The following NTM variants were observed in gnomAD, a reference collection of about 807,000 sequenced individuals.
NTM encodes the protein neurotrimin.
In NTM, 13 loss-of-function variants were observed where a neutral mutation model predicts 42.1. The observed-to-expected ratio is 0.31, with a 90% CI of 0.20 to 0.49. The LOEUF (loss-of-function observed/expected upper bound fraction) is 0.49, where lower values mean the gene tolerates loss of function less well. Among genes scored for constraint, NTM ranks in the 20% least tolerant of loss-of-function variants. The pLI, the probability that NTM is intolerant of heterozygous loss-of-function variation, is 0.99. For missense variants in NTM, 373 were observed against 452.8 expected (o/e 0.82, Z 1.60); for synonymous variants, 187 against 179.2 (o/e 1.04, Z -0.35).
intron 2 of NTM, among the ~76,000 whole-genome samples, chr11:132,107,746 A>AT (rs1332540684): frequency 3.9e-5 from 6 of 152,174 alleles, no homozygotes; most frequent in African/African-American, 1.4e-4. Flanking sequence ...ATATGTTCTC[A>AT]TTGTTCCTAA....
chr11:132,113,086 CG>C (rs2136785111), intron 2 of NTM, among the ~76,000 whole-genome samples: 1 of 152,238 alleles, frequency 6.6e-6, no homozygotes, highest in Admixed American at 6.5e-5. Flanking sequence ...TAGCTGGGCC[CG>C]TCCCTCAAAG....
At chr11:132,025,052 C>T (rs1032315711) in intron 2 of NTM, among the ~76,000 whole-genome samples, 1 of 152,212 alleles carries the variant, frequency 6.6e-6, no homozygotes, top group Non-Finnish European at 1.5e-5. Flanking sequence ...GTCTGAATTC[C>T]TTCCCTCGTG....
chr11:131,633,766 C>CCTCTCT (rs1238243158), intron 1 of NTM, among the ~76,000 whole-genome samples: 24 of 40,034 alleles, frequency 6.0e-4, no homozygotes, highest in African/African-American at 1.1e-3. Flanking sequence ...CCTCTCTCTC[C>CCTCTCT]CTCTCTCTCT....
chr11:131,896,887 A>G (rs1299821833), intron 1 of NTM: 2 of 151,942 alleles, frequency 1.3e-5, no homozygotes, highest in African/African-American at 4.8e-5. Flanking sequence ...ATGGGCTTTC[A>G]CTGTGTTAGC....
At chr11:132,088,345 C>G (rs1342391114) in intron 2 of NTM, among the ~76,000 whole-genome samples, 2 of 152,226 alleles carry the variant, frequency 1.3e-5, no homozygotes, top group East Asian at 1.9e-4. Flanking sequence ...TCACATTTTA[C>G]TTACCCTTCC....
At chr11:131,715,042 T>C (rs2077545049) in intron 1 of NTM, among the ~76,000 whole-genome samples, 1 of 152,226 alleles carries the variant, frequency 6.6e-6, no homozygotes, top group African/African-American at 2.4e-5. Context: ...TTGTGCTTGG[T>C]GCTCCAGGAA....
chr11:131,647,231 AG>A (rs1167150959), intron 1 of NTM, among the ~76,000 whole-genome samples: 1 of 152,262 alleles, frequency 6.6e-6, no homozygotes, highest in Non-Finnish European at 1.5e-5. Flanking sequence ...CATTTGATGC[AG>A]GGAAAATATG....
chr11:132,021,003 T>G (rs941445591), intron 2 of NTM, among the ~76,000 whole-genome samples: 3 of 152,142 alleles, frequency 2.0e-5, no homozygotes. Context: ...CTCTTTGCTC[T>G]CCTTATGGGA....
chr11:131,508,851 C>T, intron 1 of NTM, among the ~76,000 whole-genome samples: 1 of 139,480 alleles, frequency 7.2e-6, no homozygotes, highest in African/African-American at 2.7e-5. Context: ...CCCATGGACA[C>T]AGGAAGGGGA....
intron 1 of NTM, among the ~76,000 whole-genome samples, chr11:131,521,864 C>T (rs1235803540): frequency 1.3e-5 from 2 of 152,118 alleles, no homozygotes; most frequent in East Asian, 3.9e-4. Flanking sequence ...CCCCTGTTTC[C>T]ATTCCTCTCT....
intron 3 of NTM, among the ~76,000 whole-genome samples, chr11:132,183,228 A>C (rs781512707): frequency 2.0e-5 from 3 of 152,024 alleles, no homozygotes; most frequent in Non-Finnish European, 2.9e-5. Flanking sequence ...ATTTGTAATG[A>C]CTCTTCAAGG....
intron 4 of NTM, among the ~76,000 whole-genome samples, chr11:132,255,181 A>AT (rs923476320): frequency 1.3e-5 from 2 of 152,014 alleles, no homozygotes; most frequent in South Asian, 4.2e-4. Flanking sequence ...GAGCCTGAAC[A>AT]TTTTTTTTAT....
intron 1 of NTM, among the ~76,000 whole-genome samples, chr11:131,553,892 ACT>A (rs1423176460): frequency 1.3e-5 from 2 of 151,578 alleles, no homozygotes; most frequent in Non-Finnish European, 2.9e-5. Context: ...ATATATTTTC[ACT>A]CTCATTTCCC....
intron 4 of NTM, among the ~76,000 whole-genome samples, chr11:132,270,359 G>A (rs2093418827): frequency 6.6e-6 from 1 of 152,090 alleles, no homozygotes; most frequent in Admixed American, 6.6e-5. Context: ...AGCTTCCGGA[G>A]TAGCTGGGAT....
chr11:132,104,937 G>GTGTGTGTA (rs1169190929), intron 2 of NTM, among the ~76,000 whole-genome samples: 5 of 61,818 alleles, frequency 8.1e-5, no homozygotes, highest in African/African-American at 1.2e-4. Context: ...ATATACATAT[G>GTGTGTGTA]TATATATATA....
intron 3 of NTM, among the ~76,000 whole-genome samples, chr11:132,198,319 C>G (rs2080611606): frequency 6.6e-6 from 1 of 152,100 alleles, no homozygotes; most frequent in Non-Finnish European, 1.5e-5. Flanking sequence ...GATCCAGCCT[C>G]CTGAGTAGCT....
At chr11:132,299,638 TTC>T (rs1284832162) in intron 4 of NTM, among the ~76,000 whole-genome samples, 1 of 152,198 alleles carries the variant, frequency 6.6e-6, no homozygotes, top group African/African-American at 2.4e-5. Context: ...TAAGAATGCT[TTC>T]TCTTATATGA....
intron 1 of NTM, among the ~76,000 whole-genome samples, chr11:131,652,404 G>A (rs1052845107): frequency 9.9e-5 from 15 of 152,160 alleles, no homozygotes; most frequent in African/African-American, 3.6e-4. Flanking sequence ...AACAAAGCAA[G>A]GTGGTGCCCC....
intron 3 of NTM, among the ~76,000 whole-genome samples, chr11:132,191,460 A>C (rs542207242): frequency 6.6e-6 from 1 of 152,230 alleles, no homozygotes; most frequent in Non-Finnish European, 1.5e-5. Context: ...AAGCCATTTG[A>C]CTATACCCAG....
Sources: allele counts gnomAD v4.1 joint callset (sites outside exome capture counted in the v4.1 genomes callset), GRCh38; gene constraint gnomAD v4.1.1; transcripts MANE v1.5; gene names NCBI Gene and HGNC (gene_info 2026-07-23, HGNC 2026-07-21).